Variants in PHACTR1 observed in about 807,000 individuals in gnomAD.
The protein encoded by PHACTR1 is phosphatase and actin regulator 1.
In PHACTR1, 16 loss-of-function variants were observed where a neutral mutation model predicts 69.2. That is an observed-to-expected ratio of 0.23 (90% CI 0.16 to 0.35). The LOEUF is 0.35. PHACTR1 is among the 10% of genes least tolerant of loss of function. PHACTR1 has a pLI of 1.00. For synonymous variants in PHACTR1, 312 were observed against 284.5 expected (o/e 1.10, Z -0.97); for missense variants, 510 against 734.7 (o/e 0.69, Z 3.54).
chr6:12,832,723 A>G (rs1777718642), intron 4 of PHACTR1, among the ~76,000 whole-genome samples: 1 of 152,166 alleles, frequency 6.6e-6, no homozygotes. Context: ...CTCAATAAAT[A>G]ATTTAGTTTC....
intron 3 of PHACTR1, among the ~76,000 whole-genome samples, chr6:12,734,504 G>A (rs1474642701): frequency 6.6e-6 from 1 of 152,146 alleles, no homozygotes; most frequent in Non-Finnish European, 1.5e-5. Flanking sequence ...ATGAAATCAT[G>A]TAACTATTAA....
chr6:13,232,235 A>C (rs1771331680), intron 10 of PHACTR1, among the ~76,000 whole-genome samples: 1 of 152,230 alleles, frequency 6.6e-6, no homozygotes, highest in Non-Finnish European at 1.5e-5. Flanking sequence ...CCTAGAGGTT[A>C]TGTAGACATA....
chr6:13,271,402 T>C (rs1777691185), intron 10 of PHACTR1, among the ~76,000 whole-genome samples: 1 of 152,192 alleles, frequency 6.6e-6, no homozygotes, highest in Non-Finnish European at 1.5e-5. Context: ...CTATATAGGA[T>C]GTGTGGTGGT....
chr6:12,853,420 G>A (rs1049329958), intron 4 of PHACTR1, among the ~76,000 whole-genome samples: 2 of 152,206 alleles, frequency 1.3e-5, no homozygotes, highest in Non-Finnish European at 2.9e-5. Flanking sequence ...CACGTCATGA[G>A]TCAAGACAAT....
intron 5 of PHACTR1, among the ~76,000 whole-genome samples, chr6:13,079,037 G>C (rs1810975976): frequency 6.6e-6 from 1 of 152,032 alleles, no homozygotes; most frequent in Admixed American, 6.5e-5. Context: ...TCACCTTGTT[G>C]AAAAGAAAAA....
At chr6:13,031,875 C>G (rs776062061) in intron 4 of PHACTR1, among the ~76,000 whole-genome samples, 7 of 152,130 alleles carry the variant, frequency 4.6e-5, no homozygotes, top group Non-Finnish European at 7.4e-5. Flanking sequence ...GGATTGACAC[C>G]AAGTGCTAAA....
chr6:13,192,390 T>C (rs909267288), intron 7 of PHACTR1, among the ~76,000 whole-genome samples: 3 of 152,208 alleles, frequency 2.0e-5, no homozygotes, highest in Non-Finnish European at 4.4e-5. Flanking sequence ...ACAAGGCTTA[T>C]TATGTTCAAG....
intron 4 of PHACTR1, among the ~76,000 whole-genome samples, chr6:12,903,527 A>C (rs1785415185): frequency 6.6e-6 from 1 of 152,234 alleles, no homozygotes; most frequent in Non-Finnish European, 1.5e-5. Context: ...TTTCCTATTT[A>C]AGAATGAGCA....
intron 5 of PHACTR1, among the ~76,000 whole-genome samples, chr6:13,130,248 A>C (rs1486336099): frequency 6.6e-6 from 1 of 152,150 alleles, no homozygotes; most frequent in African/African-American, 2.4e-5. Flanking sequence ...TAGAAAAACA[A>C]GAACAAACCA....
At chr6:12,729,582 C>T (rs1381007526) in intron 3 of PHACTR1, among the ~76,000 whole-genome samples, 1 of 152,154 alleles carries the variant, frequency 6.6e-6, no homozygotes, top group East Asian at 1.9e-4. Context: ...GAACAGCAGG[C>T]AGGGGTCATG....
Position 12,747,711 on chromosome 6 carries a change from G to A in PHACTR1, c.104-1933G>A, listed in dbSNP as rs528865977. 2.6e-5 allele frequency among the ~76,000 whole-genome samples: 4 copies of A among 152,206 alleles called. No individual in the cohort carries two copies. The South Asian group carries it at 8.3e-4, about 32-fold the overall frequency. On this transcript the variant is annotated intron_variant, in intron 3 of 14. Coordinates refer to ENST00000332995, the MANE Select transcript of PHACTR1 (RefSeq NM_030948.6). ...GTTCATGCCATAAACTAATGAGCTA[G>A]TCACTTCACATTTCTGAGAGAGAAC...
rs767664042 is a variant in PHACTR1 at position 13,230,039 on chromosome 6, T to A, written c.1237T>A (p.Ser413Thr). Residue 413 changes from serine to threonine, a missense_variant and splice_region_variant, in exon 10 of 15, where the codon TCC becomes ACC. Ser to Thr is a moderately conservative substitution (Grantham distance 58, BLOSUM62 1). Around this residue, in one of 2 missense-constraint regions of PHACTR1, gnomAD observed 419 missense variants for 530.9 expected, o/e 0.79. Transcript: ENST00000332995. ...EDDDSSLYTS[S>T]LAMKVCRKDS... ...TGACTCATTTCTGTCTCCTACAGGC[T>A]CCCTGGCCATGAAGGTCTGCAGGAA... is the stretch of plus-strand genomic sequence containing the variant. 23 of 1,607,828 alleles carry A rather than the reference T, an allele frequency of 1.4e-5. No individual in the cohort carries two copies. Among genetic ancestry groups the A allele is most frequent in the Non-Finnish European group, 2.0e-5 (23 of 1,177,076 alleles).
At chr6:12,858,311 CT>C (rs1561951753) in intron 4 of PHACTR1, among the ~76,000 whole-genome samples, 1 of 152,178 alleles carries the variant, frequency 6.6e-6, no homozygotes, top group African/African-American at 2.4e-5. Context: ...GCTGATTACA[CT>C]CTCAAAAGGC....
intron 4 of PHACTR1, among the ~76,000 whole-genome samples, chr6:12,793,241 C>G (rs1222253172): frequency 6.6e-6 from 1 of 152,120 alleles, no homozygotes; most frequent in African/African-American, 2.4e-5. Context: ...GTTGGCAACC[C>G]CTCCCGCTAG....
intron 4 of PHACTR1, among the ~76,000 whole-genome samples, chr6:12,959,174 CT>C (rs1792303362): frequency 3.2e-5 from 1 of 31,232 alleles, no homozygotes; most frequent in Non-Finnish European, 4.9e-5. Flanking sequence ...GAGACTTTAT[CT>C]CAAAAAAAAA....
At chr6:13,257,846 T>C (rs1312046278) in intron 10 of PHACTR1, among the ~76,000 whole-genome samples, 1 of 152,134 alleles carries the variant, frequency 6.6e-6, no homozygotes, top group Non-Finnish European at 1.5e-5. Context: ...AGCATGCACG[T>C]GCATCTCCTG....
chr6:12,807,338 A>G (rs1774459195), intron 4 of PHACTR1, among the ~76,000 whole-genome samples: 1 of 152,234 alleles, frequency 6.6e-6, no homozygotes, highest in Non-Finnish European at 1.5e-5. Context: ...GAAAAAATAA[A>G]ATATTTAATT....
intron 4 of PHACTR1, among the ~76,000 whole-genome samples, chr6:12,829,840 C>T (rs775766141): frequency 6.6e-6 from 1 of 150,738 alleles, no homozygotes; most frequent in Non-Finnish European, 1.5e-5. Flanking sequence ...CACCTGTAAT[C>T]CCAGCTGCTG....
intron 4 of PHACTR1, among the ~76,000 whole-genome samples, chr6:12,899,322 T>C (rs1440366541): frequency 6.6e-6 from 1 of 152,186 alleles, no homozygotes; most frequent in Non-Finnish European, 1.5e-5. Context: ...GGAATAGTGA[T>C]GGAAATAATC....
Sources: gnomAD v4.1 joint callset for allele counts (sites outside exome capture counted in the v4.1 genomes callset) on GRCh38, gnomAD v4.1.1 for gene constraint, gnomAD v4.1.1 regional missense constraint, MANE v1.5 for transcripts, NCBI Gene and HGNC (gene_info 2026-07-23, HGNC 2026-07-21) for gene names.